The following GOT1L1 variants were observed in gnomAD, a reference collection of about 807,000 sequenced individuals.
GOT1L1 encodes aspartate aminotransferase, cytoplasmic 2.
GOT1L1 carries 38 observed loss-of-function variants against 43.6 expected under a neutral mutation model. That is an observed-to-expected ratio of 0.87 (90% CI 0.67 to 1.14). The LOEUF is 1.14. Ranked by LOEUF, GOT1L1 falls within the 50% of genes most tolerant of loss-of-function variation. The pLI, the probability that GOT1L1 is intolerant of heterozygous loss-of-function variation, is 0.00. For missense variants in GOT1L1, 482 were observed against 504.0 expected (o/e 0.96, Z 0.42); for synonymous variants, 183 against 187.2 (o/e 0.98, Z 0.18).
intron 2 of GOT1L1, among the ~76,000 whole-genome samples, chr8:37,938,247 A>C (rs1807819214): frequency 6.6e-6 from 1 of 152,072 alleles, no homozygotes; most frequent in Non-Finnish European, 1.5e-5. Context: ...AAATACAAAA[A>C]TTAGCTGGGC....
Position 37,939,998 on chromosome 8 carries a change from G to A in GOT1L1, c.32C>T (p.Pro11Leu). The A allele has an allele frequency of 1.2e-6, 2 of 1,613,510 alleles. No individual in the cohort carries two copies. The highest frequency in any genetic ancestry group is 1.7e-6 in the Non-Finnish European group (2 of 1,179,634). MPTLSVFMDV[P>L]LAHKLEGSLL... ...GCTGCCCTCTAGCTTGTGGGCGAGG[G>A]GCACATCCATGAACACTGAAAGGGT... Residue 11 changes from proline (P) to leucine (L), a missense_variant, in exon 1 of 9, where the codon CCC becomes CTC. Coordinates refer to ENST00000307599, the MANE Select transcript of GOT1L1 (RefSeq NM_152413.3).
In GOT1L1 at chr8:37,939,594, GAAGAGA is replaced by G. The variant is rs548289312; in HGVS notation, c.115+315_115+320del. On this transcript the variant is annotated intron_variant, in intron 1 of 8. Coordinates refer to ENST00000307599, the MANE Select transcript of GOT1L1 (RefSeq NM_152413.3). ...AGAACCATTCTTGGTTCAAGAACAG[GAAGAGA>G]AAGAGAAAGAGAGAGAGAGGAGGTA... Among the ~76,000 whole-genome samples the G allele has an allele frequency of 4.0e-3, 599 of 151,422 alleles. 3 individuals are homozygous for G. The highest frequency in any genetic ancestry group is 0.011 in the Admixed American group (161 of 15,128).
rs377313204 is a variant in GOT1L1, at chr8:37,938,756, G to A, written c.241C>T (p.Gln81Ter). The A allele has an allele frequency of 1.4e-4, 232 of 1,608,316 alleles. 3 individuals carry two copies. The East Asian group carries it at 4.1e-3, about 28-fold the overall frequency. The change falls in exon 2 of 9, where the codon CAG (glutamine) becomes TAG (stop). Residue 81 changes from glutamine to a stop codon, truncating the protein, a stop_gained. Coordinates refer to ENST00000307599, the MANE Select transcript of GOT1L1 (RefSeq NM_152413.3). LOFTEE classifies it high-confidence loss of function. ...CCAAAGAGGAGTGCTAGAGAGGCCT[G>A]GATGAATGATTTCAGGCCCATGGTG... ...LPTMGLKSFIQASLALLFGKH... is the reference protein window; with the variant it reads ...LPTMGLKSFI
At chr8:37,936,334 G>C (rs552842049) in intron 6 of GOT1L1, among the ~76,000 whole-genome samples, 1 of 151,798 alleles carries the variant, frequency 6.6e-6, no homozygotes, top group Non-Finnish European at 1.5e-5. Flanking sequence ...TGTTTGTAGA[G>C]ACCGGGTCTC....
rs956091590 is a variant in GOT1L1, at chr8:37,936,701, T to C, written c.763+19A>G. ...ACCACTTCAGCAACAGACCCTCCCT[T>C]CTTCTGCCTGTACCATACCATAAAT... On this transcript the variant is annotated intron_variant, in intron 6 of 8. Transcript: ENST00000307599. 3.8e-6 allele frequency: 6 copies of C among 1,591,670 alleles called. No individual in the cohort carries two copies. The highest frequency in any genetic ancestry group is 5.2e-6 in the Non-Finnish European group (6 of 1,164,156).
chr8:37,937,810 C>CCTCCCAAAGTGCTGG, intron 2 of GOT1L1, 61 bp from the exon 3 acceptor site: 1 of 1,190,658 alleles, frequency 8.4e-7, no homozygotes, highest in Non-Finnish European at 1.2e-6. Flanking sequence ...GTAATTCCAG[C>CCTCCCAAAGTGCTGG]ACTTTGGGAG....
chr8:37,938,135 T>A (rs1807814629), intron 2 of GOT1L1, among the ~76,000 whole-genome samples: 1 of 152,128 alleles, frequency 6.6e-6, no homozygotes, highest in Non-Finnish European at 1.5e-5. Context: ...CAGTAGCTCA[T>A]GCCTGTAATC....
chr8:37,937,820 G>T, intron 2 of GOT1L1, 71 bp from the exon 3 acceptor site: 2 of 1,024,680 alleles, frequency 2.0e-6, no homozygotes, highest in Non-Finnish European at 1.5e-6. Flanking sequence ...CACTTTGGGA[G>T]GCTGGGGTGG....
In GOT1L1 at chr8:37,937,344, TA is replaced by T. The variant is rs1807789329; in HGVS notation, c.451del (p.Tyr151MetfsTer32). ...CTTGGGGTCCCAGACAGAGTATTCA[TA>T]AACTGTAAAGCCCATGTCCTGGAAG... ...LVFQDMGFTVYEYSVWDPKKL... is the reference protein window; with the variant it reads ...LVFQDMGFTVXEYSVWDPKKL... On this transcript the variant is annotated frameshift_variant, in exon 4 of 9. Coordinates refer to ENST00000307599, the MANE Select transcript of GOT1L1 (RefSeq NM_152413.3). LOFTEE classifies it high-confidence loss of function. 1.9e-6 allele frequency: 3 copies of T among 1,610,430 alleles called. No homozygotes were observed. Among genetic ancestry groups the T allele is most frequent in the Non-Finnish European group, 2.5e-6 (3 of 1,178,578 alleles).
At chr8:37,934,618 TG>T in intron 8 of GOT1L1, 132 bp from the exon 9 acceptor site, 1 of 711,074 alleles carries the variant, frequency 1.4e-6, no homozygotes, top group Non-Finnish European at 2.4e-6. Flanking sequence ...TTGCCCAGGC[TG>T]GAGTTCAATG....
chr8:37,939,431 A>AAAAAAAATAT (rs1237987679), intron 1 of GOT1L1, among the ~76,000 whole-genome samples: 15 of 41,696 alleles, frequency 3.6e-4, no homozygotes, highest in Non-Finnish European at 5.5e-4. Context: ...AAAAAAAAAA[A>AAAAAAAATAT]ATATATATAT....
rs1374228184 is a variant in GOT1L1 at position 37,940,040 on chromosome 8, A to G, written c.-11T>C. ...TGAAAGGGTGGGCATAACTGAAACG[A>G]AACTGGAGCCAAGACTATGTGTCTC... On this transcript the variant is annotated 5_prime_UTR_variant, in exon 1 of 9. Coordinates refer to ENST00000307599, the MANE Select transcript of GOT1L1 (RefSeq NM_152413.3). 1.2e-6 allele frequency: 2 copies of G among 1,610,140 alleles called. No homozygotes were observed. Among genetic ancestry groups the G allele is most frequent in the African/African-American group, 1.3e-5 (1 of 74,894 alleles).
chr8:37,937,616 C>T (rs1285637138), intron 3 of GOT1L1, 22 bp downstream of exon 3: 1 of 1,495,006 alleles, frequency 6.7e-7, no homozygotes, highest in Non-Finnish European at 9.2e-7. Flanking sequence ...TTGCTGTTCC[C>T]CTCATCTTGG....
At chr8:37,937,450 T>C in intron 3 of GOT1L1, 64 bp from the exon 4 acceptor site, 1 of 1,175,936 alleles carries the variant, frequency 8.5e-7, no homozygotes, top group Non-Finnish European at 1.2e-6. Context: ...ACAGAGGTAC[T>C]GGAGTGTGGG....
In GOT1L1 at chr8:37,934,466, C is replaced by A. The variant is rs372959384; in HGVS notation, c.1093G>T (p.Val365Phe). The A allele has an allele frequency of 1.2e-6, 2 of 1,613,388 alleles. No homozygotes were observed. Among genetic ancestry groups the A allele is most frequent in the East Asian group, 4.5e-5 (2 of 44,850 alleles). Residue 365 changes from valine to phenylalanine, a missense_variant, in exon 9 of 9, where the codon GTC (valine) becomes TTC (phenylalanine). By Grantham distance (50) the Val-to-Phe change is conservative. Transcript: ENST00000307599. Reference protein sequence around the residue: ...GLNSQQVEYLVRKKHIYIPKN... With the variant: ...GLNSQQVEYLFRKKHIYIPKN... ...GGGATATAGATGTGCTTCTTCCTGA[C>A]CAGGTATTCCACCTGCTGGGCTAAA... is the stretch of plus-strand genomic sequence containing the variant.
chr8:37,937,728 C>T lies in GOT1L1; in HGVS notation c.319G>A (p.Gly107Ser). The T allele has an allele frequency of 6.2e-7, 1 of 1,612,160 alleles. No individual in the cohort carries two copies. Among genetic ancestry groups the T allele is most frequent in the Non-Finnish European group, 8.5e-7 (1 of 1,178,902 alleles). Residue 107 changes from glycine (G) to serine (S), a missense_variant, in exon 3 of 9, where the codon GGT (glycine) becomes AGT (serine). By Grantham distance (56) the Gly-to-Ser change is moderately conservative. Coordinates refer to ENST00000307599, the MANE Select transcript of GOT1L1 (RefSeq NM_152413.3). ...CCAAGCTGGAAGGCACCACTGTCACCAACAGTGTGTACACCCCCTACCTGC... is the reference window on the plus strand; with the variant it reads ...CCAAGCTGGAAGGCACCACTGTCACTAACAGTGTGTACACCCCCTACCTGC... ...ENRVGGVHTV[G>S]DSGAFQLGVQ...
At chr8:37,936,646 T>A (rs867410217) in intron 6 of GOT1L1, 74 bp downstream of exon 6, 10 of 1,359,758 alleles carry the variant, frequency 7.4e-6, no homozygotes, top group Non-Finnish European at 1.0e-5. Context: ...GGATGAGATA[T>A]CAAAAACATC....
Position 37,938,978 on chromosome 8 carries a change from C to T in GOT1L1, c.116-97G>A, listed in dbSNP as rs762228347. On this transcript the variant is annotated intron_variant, in intron 1 of 8. Coordinates refer to ENST00000307599, the MANE Select transcript of GOT1L1 (RefSeq NM_152413.3). ...CTGCAAACAAATCTCTCCTGGACTC[C>T]ATGGGGCTGTGGGAAGGTGCCTGTG... 22 of 1,090,530 alleles carry T rather than the reference C, an allele frequency of 2.0e-5. No individual in the cohort carries two copies. In the African/African-American group the frequency reaches 3.3e-4, roughly 16 times the overall value. The allele number at this position is 1,090,530 out of a possible 1,614,324, so 67.6% of individuals were successfully genotyped here.
chr8:37,936,687 A>G, intron 6 of GOT1L1, 33 bp downstream of exon 6: 1 of 1,581,852 alleles, frequency 6.3e-7, no homozygotes, highest in Non-Finnish European at 8.6e-7. Flanking sequence ...CCACTTCAGC[A>G]ACAGACCCTC....
Sources: allele counts gnomAD v4.1 joint callset (sites outside exome capture counted in the v4.1 genomes callset), GRCh38; gene constraint gnomAD v4.1.1; transcripts MANE v1.5; gene names NCBI Gene and HGNC (gene_info 2026-07-23, HGNC 2026-07-21).